Variants in FLG observed in about 807,000 individuals in gnomAD.
FLG encodes the protein filaggrin.
In FLG, 6 loss-of-function variants were observed where a neutral mutation model predicts 3.8. That is an observed-to-expected ratio of 1.60 (90% confidence interval 0.87 to 3.15). The LOEUF (loss-of-function observed/expected upper bound fraction) is 3.15. Among genes scored for constraint, FLG ranks in the 30% most tolerant of loss-of-function variants. The probability of loss-of-function intolerance (pLI) is 0.00; values close to 1 mark genes in which losing one functional copy is unlikely to be tolerated. For missense variants in FLG, 7,595 were observed against 5,050.9 expected (o/e 1.50, Z -15.27); for synonymous variants, 2,551 against 1,931.6 (o/e 1.32, Z -8.41).
rs1183947159 is a variant in FLG at position 152,311,861 on chromosome 1, G to A, written c.3025C>T (p.His1009Tyr). Residue 1009 changes from histidine (H) to tyrosine (Y), a missense_variant, in exon 3 of 3, where the codon CAC becomes TAC. Physicochemically the swap from His to Tyr is moderately conservative, Grantham distance 83. Transcript: ENST00000368799. ...ADSSRQSGTP[H>Y]AETSSGGQAA... The stretch of plus-strand genomic sequence containing the variant: ...TGTCCACCAGAGGAAGTCTCTGCGT[G>A]AGGAGTTCCTGATTGTCTGGAGCTG... 1 of 1,614,144 alleles carries A rather than the reference G, an allele frequency of 6.2e-7. No homozygotes were observed. Among genetic ancestry groups the A allele is most frequent in the African/African-American group, 1.3e-5 (1 of 75,038 alleles).
Position 152,311,173 on chromosome 1 carries a change from T to C in FLG, c.3713A>G (p.His1238Arg), listed in dbSNP as rs767222943. Residue 1238 changes from histidine to arginine, a missense_variant, in exon 3 of 3, where the codon CAT (histidine) becomes CGT (arginine). Transcript: ENST00000368799. ...GCTGTCAGCCCAAGAGGCAGCTTCA[T>C]GGTGACGTGACCCTGAGTGCCTGGA... ...DGSRHSGSRHHEAASWADSSR... is the reference protein window; with the variant it reads ...DGSRHSGSRHREAASWADSSR... 1.1e-5 allele frequency: 18 copies of C among 1,613,696 alleles called. No homozygotes were observed. Among genetic ancestry groups the C allele is most frequent in the Middle Eastern group, 1.6e-4 (1 of 6,084 alleles).
chr1:152,324,758 C>T (rs561891128), intron 1 of FLG, among the ~76,000 whole-genome samples: 24 of 151,924 alleles, frequency 1.6e-4, no homozygotes, highest in Admixed American at 8.5e-4. Context: ...AGCCAAAAGA[C>T]GGGACACCCC....
Position 152,304,767 on chromosome 1 carries a change from A to G in FLG, c.10119T>C (p.Arg3373=), listed in dbSNP as rs757040434. 1 of 1,613,206 alleles carries G rather than the reference A, an allele frequency of 6.2e-7. No individual in the cohort carries two copies. Among genetic ancestry groups the G allele is most frequent in the Non-Finnish European group, 8.5e-7 (1 of 1,179,770 alleles). ...PHQQSHQESA[R]DRSGGRSGRS... is the part of the protein sequence containing the mutation. ...GTCCAGACCTTCCCCCTGACCGGTC[A>G]CGTGCGGACTCTTGGTGGCTCTGCT... The change falls in exon 3 of 3, where the codon CGT becomes CGC. Residue 3373 remains arginine, a synonymous_variant. Transcript: ENST00000368799.
chr1:152,304,937 C>G lies in FLG; in HGVS notation c.9949G>C (p.Gly3317Arg), dbSNP rs1032272168. 10 of 1,613,718 alleles carry G rather than the reference C, an allele frequency of 6.2e-6. No homozygotes were observed. In the Admixed American group the frequency reaches 8.3e-5, roughly 13 times the overall value. Reference sequence around the variant, plus strand: ...GATGAAGCTTGTCCACGCGGAATGCCTGAGTGTCTGGAGCTGTCTGCTGAC... The same window carrying G: ...GATGAAGCTTGTCCACGCGGAATGCGTGAGTGTCTGGAGCTGTCTGCTGAC... ...QQSADSSRHS[G>R]IPRGQASSAV... is the part of the protein sequence containing the mutation. Residue 3317 changes from glycine to arginine, a missense_variant, in exon 3 of 3, where the codon GGC becomes CGC. Gly to Arg is a moderately radical substitution (Grantham distance 125, BLOSUM62 -2). Coordinates refer to ENST00000368799, the MANE Select transcript of FLG (RefSeq NM_002016.2).
Position 152,310,289 on chromosome 1 carries a change from C to A in FLG, c.4597G>T (p.Gly1533Trp), listed in dbSNP as rs200422428. The change falls in exon 3 of 3, where the codon GGG becomes TGG. Residue 1533 changes from glycine to tryptophan, a missense_variant. Physicochemically the swap from Gly to Trp is radical, Grantham distance 184. Transcript: ENST00000368799. ...TPQGRSDASH[G>W]QSGPRSASRQ... is the part of the protein sequence containing the mutation. ...CTTGCACTTCTGGGTCCTGACTGCCCATGGGAGGCATCAGACCTTCCCTGG... is the reference window on the plus strand; with the variant it reads ...CTTGCACTTCTGGGTCCTGACTGCCAATGGGAGGCATCAGACCTTCCCTGG... 9 of 1,613,774 alleles carry A rather than the reference C, an allele frequency of 5.6e-6. No homozygotes were observed. In the Admixed American group the frequency reaches 1.5e-4, roughly 27 times the overall value.
Position 152,309,094 on chromosome 1 carries a change from G to A in FLG, c.5792C>T (p.Ser1931Phe). 6.2e-7 allele frequency: 1 copy of A among 1,614,150 alleles called. No individual in the cohort carries two copies. Residue 1931 changes from serine to phenylalanine, a missense_variant, in exon 3 of 3, where the codon TCT (serine) becomes TTT (phenylalanine). Transcript: ENST00000368799. Reference sequence around the variant, plus strand: ...GGAAGCAGACCCAGACCACCTCTCAGAGTCTTCTGAGTGTCCCTGACTGTC... The same window carrying A: ...GGAAGCAGACCCAGACCACCTCTCAAAGTCTTCTGAGTGTCCCTGACTGTC... ...DSDSQGHSED[S>F]ERWSGSASRN...
rs1651880501 is a variant in FLG at position 152,305,279 on chromosome 1, CTGAT to C, written c.9603_9606del (p.Ser3202ArgfsTer13). 6.2e-7 allele frequency: 1 copy of C among 1,612,196 alleles called. No homozygotes were observed. The highest frequency in any genetic ancestry group is 1.3e-5 in the African/African-American group (1 of 74,290). On this transcript the variant is annotated frameshift_variant, in exon 3 of 3. Coordinates refer to ENST00000368799, the MANE Select transcript of FLG (RefSeq NM_002016.2). LOFTEE classifies it low-confidence loss of function (END_TRUNC). ...TGGCGCCTGCTTCTCCTGGACCCCT[CTGAT>C]TGTCCCTGGACTGCCTGTGAGTGTC...
chr1:152,311,416 G>A lies in FLG; in HGVS notation c.3470C>T (p.Ala1157Val), dbSNP rs570346935. ...EQARDSSRHS[A>V]SQEGQDTIRA... is the part of the protein sequence containing the mutation. The stretch of plus-strand genomic sequence containing the variant: ...AATGGTGTCCTGACCCTCTTGGGAC[G>A]CTGAGTGCCTGGAGCTGTCTCGTGC... The change falls in exon 3 of 3, where the codon GCG becomes GTG. Residue 1157 changes from alanine to valine, a missense_variant. Coordinates refer to ENST00000368799, the MANE Select transcript of FLG (RefSeq NM_002016.2). The A allele has an allele frequency of 4.1e-5, 66 of 1,613,424 alleles. No homozygotes were observed. In the East Asian group the frequency reaches 1.2e-3, roughly 30 times the overall value.
rs774086464 is a variant in FLG, at chr1:152,313,878, G to C, written c.1008C>G (p.Pro336=). Residue 336 remains proline, a synonymous_variant, in exon 3 of 3, where the codon CCC becomes CCG. Coordinates refer to ENST00000368799, the MANE Select transcript of FLG (RefSeq NM_002016.2). ...WEQSRDGSRH[P]RSHDEDRASH... ...TGGCTCTGTCTTCATCATGGGACCTGGGGTGTCTGGAGCCATCTCTTGACT... is the reference window on the plus strand; with the variant it reads ...TGGCTCTGTCTTCATCATGGGACCTCGGGTGTCTGGAGCCATCTCTTGACT... 12 of 1,613,802 alleles carry C rather than the reference G, an allele frequency of 7.4e-6. No individual in the cohort carries two copies. The highest frequency in any genetic ancestry group is 7.6e-6 in the Non-Finnish European group (9 of 1,179,958).
In FLG at chr1:152,307,596, C is replaced by T. The variant is rs543821965; in HGVS notation, c.7290G>A (p.Arg2430=). 1 of 1,613,766 alleles carries T rather than the reference C, an allele frequency of 6.2e-7. No homozygotes were observed. The highest frequency in any genetic ancestry group is 1.3e-5 in the African/African-American group (1 of 74,904). ...THEQSESAHG[R]TGTSTGGRQG... is the part of the protein sequence containing the mutation. Reference sequence around the variant, plus strand: ...GTCTTCCTCCAGTGCTGGTCCCGGTCCGTCCATGGGCGGACTCAGACTGTT... The same window carrying T: ...GTCTTCCTCCAGTGCTGGTCCCGGTTCGTCCATGGGCGGACTCAGACTGTT... The change falls in exon 3 of 3, where the codon CGG becomes CGA. Residue 2430 remains arginine (R), a synonymous_variant. Coordinates refer to ENST00000368799, the MANE Select transcript of FLG (RefSeq NM_002016.2).
rs12407748 is a variant in FLG at position 152,309,214 on chromosome 1, C to G, written c.5672G>C (p.Arg1891Pro). 3.7e-6 allele frequency: 6 copies of G among 1,612,958 alleles called. No individual in the cohort carries two copies. Among genetic ancestry groups the G allele is most frequent in the East Asian group, 2.2e-5 (1 of 44,684 alleles). Residue 1891 changes from arginine to proline, a missense_variant, in exon 3 of 3, where the codon CGG (arginine) becomes CCG (proline). Arg to Pro is a moderately radical substitution (Grantham distance 103). Coordinates refer to ENST00000368799, the MANE Select transcript of FLG (RefSeq NM_002016.2). The part of the protein sequence containing the change: ...SGSRHHEASS[R>P]ADSSRHSQVG... ...CTGCGAGTGTCTAGAGCTGTCGGCC[C>G]GAGAGGAAGCTTCATGGTGACGCGA...
Position 152,311,046 on chromosome 1 carries a change from T to C in FLG, c.3840A>G (p.Ser1280=), listed in dbSNP as rs1652376310. The change falls in exon 3 of 3, where the codon TCA becomes TCG. Residue 1280 remains serine, a synonymous_variant. Coordinates refer to ENST00000368799, the MANE Select transcript of FLG (RefSeq NM_002016.2). The part of the protein sequence containing the change: ...VSQDSDSERH[S]DDSERLSGSA... The stretch of plus-strand genomic sequence containing the variant: ...ACCCAGACAACCTCTCGGAGTCGTC[T>C]GAGTGTCTCTCACTGTCACTGTCCT... 1.4e-5 allele frequency: 23 copies of C among 1,613,866 alleles called. No homozygotes were observed. Among genetic ancestry groups the C allele is most frequent in the Non-Finnish European group, 1.8e-5 (21 of 1,179,994 alleles).
chr1:152,316,466 A>T (rs1652792308), intron 1 of FLG, among the ~76,000 whole-genome samples: 1 of 152,088 alleles, frequency 6.6e-6, no homozygotes, highest in Admixed American at 6.5e-5. Flanking sequence ...AGAAGGGTAA[A>T]CAGAAAGCAT....
At position 152,307,850 on chromosome 1, in the gene FLG, T is replaced by A. The variant is rs1332599657; in HGVS notation, c.7036A>T (p.Ile2346Phe). ...QSADSSRHSG[I>F]GHGQASSAVR... Reference sequence around the variant, plus strand: ...GCAGATGAAGCTTGTCCGTGCCCAATGCCTGAGTGTCTGGAGCTGTCTGCT... The same window carrying A: ...GCAGATGAAGCTTGTCCGTGCCCAAAGCCTGAGTGTCTGGAGCTGTCTGCT... Residue 2346 changes from isoleucine (I) to phenylalanine (F), a missense_variant, in exon 3 of 3, where the codon ATT (isoleucine) becomes TTT (phenylalanine). Ile to Phe is a conservative substitution (Grantham distance 21). Coordinates refer to ENST00000368799, the MANE Select transcript of FLG (RefSeq NM_002016.2). 6.2e-7 allele frequency: 1 copy of A among 1,612,806 alleles called. No homozygotes were observed. Among genetic ancestry groups the A allele is most frequent in the Non-Finnish European group, 8.5e-7 (1 of 1,179,804 alleles).
In FLG at chr1:152,310,927, C is replaced by G; in HGVS notation, c.3959G>C (p.Gly1320Ala). 1 of 1,613,920 alleles carries G rather than the reference C, an allele frequency of 6.2e-7. No individual in the cohort carries two copies. Among genetic ancestry groups the G allele is most frequent in the African/African-American group, 1.3e-5 (1 of 74,956 alleles). Residue 1320 changes from glycine to alanine, a missense_variant, in exon 3 of 3, where the codon GGG (glycine) becomes GCG (alanine). By Grantham distance (60) the Gly-to-Ala change is moderately conservative (BLOSUM62 0). Transcript: ENST00000368799. ...TTGTCTGGAGCTGTCTGCAGAGTGCCCGTGACTGGCTCTGTCTTCTTGATG... is the reference window on the plus strand; with the variant it reads ...TTGTCTGGAGCTGTCTGCAGAGTGCGCGTGACTGGCTCTGTCTTCTTGATG... ...GFHQEDRASH[G>A]HSADSSRQSG...
In FLG at chr1:152,309,203, A is replaced by G. The variant is rs1652211050; in HGVS notation, c.5683T>C (p.Ser1895Pro). ...CCCTGGCCCACCTGCGAGTGTCTAGAGCTGTCGGCCCGAGAGGAAGCTTCA... is the reference window on the plus strand; with the variant it reads ...CCCTGGCCCACCTGCGAGTGTCTAGGGCTGTCGGCCCGAGAGGAAGCTTCA... Reference protein sequence around the residue: ...HHEASSRADSSRHSQVGQGQS... With the variant: ...HHEASSRADSPRHSQVGQGQS... The change falls in exon 3 of 3, where the codon TCT (serine) becomes CCT (proline). Residue 1895 changes from serine to proline, a missense_variant. Physicochemically the swap from Ser to Pro is moderately conservative, Grantham distance 74 (BLOSUM62 -1). Coordinates refer to ENST00000368799, the MANE Select transcript of FLG (RefSeq NM_002016.2). 1 of 1,613,214 alleles carries G rather than the reference A, an allele frequency of 6.2e-7. No individual in the cohort carries two copies.
chr1:152,314,545 T>G lies in FLG; in HGVS notation c.341A>C (p.Lys114Thr). The G allele has an allele frequency of 6.2e-7, 1 of 1,613,982 alleles. No homozygotes were observed. The highest frequency in any genetic ancestry group is 8.5e-7 in the Non-Finnish European group (1 of 1,179,988). ...TCTGTTTTCTTTGTTTTCTTCCTGTTTATTATCTTCATGTTTATCATGATG... is the reference window on the plus strand; with the variant it reads ...TCTGTTTTCTTTGTTTTCTTCCTGTGTATTATCTTCATGTTTATCATGATG... Reference protein sequence around the residue: ...HSHHDKHEDNKQEENKENRKR... With the variant: ...HSHHDKHEDNTQEENKENRKR... Residue 114 changes from lysine (K) to threonine (T), a missense_variant, in exon 3 of 3, where the codon AAA (lysine) becomes ACA (threonine). Transcript: ENST00000368799.
In FLG at chr1:152,304,660, C is replaced by T. The variant is rs751209901; in HGVS notation, c.10226G>A (p.Arg3409Gln). 28 of 1,611,754 alleles carry T rather than the reference C, an allele frequency of 1.7e-5. 4 individuals are homozygous for T. The highest frequency in any genetic ancestry group is 8.8e-5 in the South Asian group (8 of 90,626). The change falls in exon 3 of 3, where the codon CGA becomes CAA. Residue 3409 changes from arginine (R) to glutamine (Q), a missense_variant. Coordinates refer to ENST00000368799, the MANE Select transcript of FLG (RefSeq NM_002016.2). Reference sequence around the variant, plus strand: ...CTGCTCGTGGTGGGATCCTTGTCTTCGTCCAGTGCTGGTCCTGGTCCGCCC... The same window carrying T: ...CTGCTCGTGGTGGGATCCTTGTCTTTGTCCAGTGCTGGTCCTGGTCCGCCC... Reference protein sequence around the residue: ...AHGRTRTSTGRRQGSHHEQAR... With the variant: ...AHGRTRTSTGQRQGSHHEQAR...
chr1:152,307,198 C>T lies in FLG; in HGVS notation c.7688G>A (p.Trp2563Ter), dbSNP rs536710974. The T allele has an allele frequency of 5.6e-6, 9 of 1,611,746 alleles. No individual in the cohort carries two copies. The East Asian group carries it at 6.7e-5, about 12-fold the overall frequency. Reference protein sequence around the residue: ...QSEGPRTSRNWGSSFSQDSDS... With the variant: ...QSEGPRTSRN ...ACTGTCCTGGCTAAAACTGGATCCC[C>T]AGTTCCTGCTTGTCCTGGGCCCCTC... Residue 2563 changes from tryptophan (W) to a stop codon, truncating the protein, a stop_gained, in exon 3 of 3, where the codon TGG (tryptophan) becomes TAG (stop). Transcript: ENST00000368799. LOFTEE classifies it low-confidence loss of function (END_TRUNC).
Sources: allele counts gnomAD v4.1 joint callset (sites outside exome capture counted in the v4.1 genomes callset), GRCh38; gene constraint gnomAD v4.1.1; transcripts MANE v1.5; gene names NCBI Gene and HGNC (gene_info 2026-07-23, HGNC 2026-07-21).